Variants in ROPN1L observed in about 807,000 individuals in gnomAD.
ROPN1L encodes the protein rhophilin associated tail protein 1 like.
Under a neutral mutation model 22.7 loss-of-function variants are expected in ROPN1L, and 23 were observed. The observed-to-expected ratio is 1.01, with a 90% confidence interval of 0.73 to 1.43. The LOEUF (loss-of-function observed/expected upper bound fraction) is 1.43. Among genes scored for constraint, ROPN1L ranks in the 40% most tolerant of loss-of-function variants. ROPN1L has a pLI of 0.00. For missense variants in ROPN1L, 271 were observed against 291.5 expected, an observed-to-expected ratio of 0.93 and a Z score of 0.51; for synonymous variants, 116 against 117.8, an observed-to-expected ratio of 0.98 and a Z score of 0.10.
Position 10,445,164 on chromosome 5 carries a change from G to A in ROPN1L, c.131+2866G>A, listed in dbSNP as rs540375488. Among the ~76,000 whole-genome samples, 6 of 152,114 alleles carry A rather than the reference G, an allele frequency of 3.9e-5. No homozygotes were observed. The South Asian group carries it at 6.2e-4, about 16-fold the overall frequency. On this transcript the variant is annotated intron_variant, in intron 1 of 4. Transcript: ENST00000274134. ...TTTTGTATTTTTAGTAGAGACGGGG[G>A]TTTCACCATGTTGGCCACGCTGGTC...
chr5:10,472,128 A>G (rs550804936), downstream of ROPN1L: 6 of 152,364 alleles, frequency 3.9e-5, no homozygotes, highest in East Asian at 1.2e-3. Flanking sequence ...AAGGAGGAGA[A>G]GTTGGGAGGA....
At chr5:10,448,238 A>G (rs774999807) in intron 1 of ROPN1L, 22 bp from the exon 2 acceptor site, 4 of 1,613,384 alleles carry the variant, frequency 2.5e-6, no homozygotes, top group Non-Finnish European at 3.4e-6. Flanking sequence ...ATGAGCTTTC[A>G]GAGATGTCTG....
chr5:10,464,830 T>C lies in ROPN1L; in HGVS notation c.594-18T>C, dbSNP rs367600793. Reference sequence around the variant, plus strand: ...ATGAGAAATTACCAATAAATATCTTTATCTGTTTCCAATTTAGAGACGCCA... The same window carrying C: ...ATGAGAAATTACCAATAAATATCTTCATCTGTTTCCAATTTAGAGACGCCA... On this transcript the variant is annotated intron_variant, in intron 4 of 4. Coordinates refer to ENST00000274134, the MANE Select transcript of ROPN1L (RefSeq NM_031916.5). 1.9e-5 allele frequency: 28 copies of C among 1,461,148 alleles called. No homozygotes were observed. Among genetic ancestry groups the C allele is most frequent in the Non-Finnish European group, 2.4e-5 (25 of 1,063,048 alleles). 90.5% of individuals were successfully genotyped at this position (1,461,148 alleles called of 1,614,324 possible).
chr5:10,447,441 G>A (rs964232659), intron 1 of ROPN1L, among the ~76,000 whole-genome samples: 7 of 152,222 alleles, frequency 4.6e-5, no homozygotes, highest in African/African-American at 1.7e-4. Flanking sequence ...GGGGGTGGGG[G>A]GATGGGAGCC....
At chr5:10,466,617 A>G (rs557407153), downstream of ROPN1L, among the ~76,000 whole-genome samples, 4 of 152,316 alleles carry the variant, frequency 2.6e-5, no homozygotes, top group East Asian at 7.7e-4. Context: ...AAAAGCATGA[A>G]GTGTGGAGAC....
chr5:10,458,943 G>A (rs371449248), intron 3 of ROPN1L, among the ~76,000 whole-genome samples: 1 of 37,784 alleles, frequency 2.6e-5, no homozygotes, highest in East Asian at 7.3e-4. Context: ...ACACCATCCC[G>A]CCCGTGTACA....
chr5:10,468,545 G>A (rs913010400), downstream of ROPN1L, among the ~76,000 whole-genome samples: 7 of 152,198 alleles, frequency 4.6e-5, no homozygotes, highest in African/African-American at 1.7e-4. Flanking sequence ...TCAGATTGTT[G>A]CTTGTCTTTA....
chr5:10,463,548 G>T (rs567154190), intron 4 of ROPN1L, among the ~76,000 whole-genome samples: 15 of 152,302 alleles, frequency 9.8e-5, no homozygotes, highest in African/African-American at 3.6e-4. Context: ...GGGAGATGGG[G>T]TCCCTGAGGT....
intron 1 of ROPN1L, among the ~76,000 whole-genome samples, chr5:10,443,156 A>G (rs181957408): frequency 6.6e-6 from 1 of 151,222 alleles, no homozygotes; most frequent in East Asian, 1.9e-4. Context: ...AGAGTTTGAG[A>G]CCAGCCTGGG....
chr5:10,462,605 A>T (rs1561177440), intron 4 of ROPN1L, among the ~76,000 whole-genome samples: 1 of 152,190 alleles, frequency 6.6e-6, no homozygotes, highest in African/African-American at 2.4e-5. Flanking sequence ...TTAAAAAGTG[A>T]GATAGAGGCT....
At chr5:10,466,157 G>C (rs1384904252), downstream of ROPN1L, among the ~76,000 whole-genome samples, 1 of 152,228 alleles carries the variant, frequency 6.6e-6, no homozygotes, top group African/African-American at 2.4e-5. Context: ...TTCCAGGCCA[G>C]GGCTCAGGCC....
At chr5:10,464,752 A>C in intron 4 of ROPN1L, 96 bp from the exon 5 acceptor site, 1 of 703,466 alleles carries the variant, frequency 1.4e-6, no homozygotes. Context: ...TAGTTTTTAA[A>C]AGTAGACCTT....
At chr5:10,460,286 T>C (rs1227141517) in intron 3 of ROPN1L, among the ~76,000 whole-genome samples, 1 of 152,234 alleles carries the variant, frequency 6.6e-6, no homozygotes, top group Non-Finnish European at 1.5e-5. Context: ...ACAGCTCATG[T>C]TTTTTCAACA....
At chr5:10,455,641 G>T (rs894270869) in intron 3 of ROPN1L, among the ~76,000 whole-genome samples, 1 of 152,236 alleles carries the variant, frequency 6.6e-6, no homozygotes, top group East Asian at 1.9e-4. Flanking sequence ...CCCCAGCCAC[G>T]GGGTGAACTG....
downstream of ROPN1L, among the ~76,000 whole-genome samples, chr5:10,468,507 A>G (rs1421396876): frequency 6.6e-6 from 1 of 152,246 alleles, no homozygotes; most frequent in African/African-American, 2.4e-5. Flanking sequence ...TTTCTTGTTA[A>G]AATAGCCATA....
rs532802678 is a variant in ROPN1L at position 10,461,080 on chromosome 5, T to G, written c.418-104T>G. ...ATGGAGCACATACTTTTTGGAGAATTTCTGTCAAATATGCTAGAGTGTTGA... is the reference window on the plus strand; with the variant it reads ...ATGGAGCACATACTTTTTGGAGAATGTCTGTCAAATATGCTAGAGTGTTGA... On this transcript the variant is annotated intron_variant, in intron 3 of 4. Transcript: ENST00000274134. 830 of 1,029,866 alleles carry G rather than the reference T, an allele frequency of 8.1e-4. 3 individuals are homozygous for G. Among genetic ancestry groups the G allele is most frequent in the Middle Eastern group, 1.3e-3 (5 of 3,834 alleles). The allele number at this position is 1,029,866 out of a possible 1,614,324, so 63.8% of individuals were successfully genotyped here. A position where few individuals can be genotyped will look rare whatever the true frequency, so the allele number is the denominator to read the frequency against.
downstream of ROPN1L, among the ~76,000 whole-genome samples, chr5:10,473,503 G>A (rs182547045): frequency 1.6e-3 from 250 of 152,258 alleles, no homozygotes; most frequent in African/African-American, 5.8e-3. Context: ...GAGGGAGCAG[G>A]GTCCTGCCGA....
Position 10,465,000 on chromosome 5 carries a change from A to G in ROPN1L, c.*53A>G, listed in dbSNP as rs1735128080. ...AAATAGTGCTCTTTAAAATTCTGGC[A>G]CCAAATACAACTTACCCTGAATCAC... On this transcript the variant is annotated 3_prime_UTR_variant, in exon 5 of 5. Coordinates refer to ENST00000274134, the MANE Select transcript of ROPN1L (RefSeq NM_031916.5). 1 of 1,045,454 alleles carries G rather than the reference A, an allele frequency of 9.6e-7. No homozygotes were observed. The highest frequency in any genetic ancestry group is 1.4e-6 in the Non-Finnish European group (1 of 697,874). 64.8% of individuals were successfully genotyped at this position (1,045,454 alleles called of 1,614,324 possible).
chr5:10,476,811 T>C (rs952458786), downstream of ROPN1L, among the ~76,000 whole-genome samples: 68 of 152,262 alleles, frequency 4.5e-4, no homozygotes, highest in African/African-American at 1.6e-3. Context: ...CACAAAAATA[T>C]GTTAAAATGA....
Sources: allele counts gnomAD v4.1 joint callset (sites outside exome capture counted in the v4.1 genomes callset), GRCh38; gene constraint gnomAD v4.1.1; transcripts MANE v1.5; gene names NCBI Gene and HGNC (gene_info 2026-07-23, HGNC 2026-07-21).